Variants in MFSD11 observed in about 807,000 individuals in gnomAD.
MFSD11 encodes UNC93-like protein MFSD11.
MFSD11 carries 36 observed loss-of-function variants against 53.5 expected under a neutral mutation model. The observed-to-expected ratio is 0.67, with a 90% CI of 0.52 to 0.89. The LOEUF is 0.89. Among genes scored for constraint, MFSD11 ranks in the 40% least tolerant of loss-of-function variants. MFSD11 has a pLI of 0.00. For missense variants in MFSD11, 530 were observed against 543.9 expected, an observed-to-expected ratio of 0.97 and a Z score of 0.25; for synonymous variants, 186 against 184.9, an observed-to-expected ratio of 1.01 and a Z score of -0.05.
At chr17:76,783,975 A>G (rs932738166), downstream of MFSD11, among the ~76,000 whole-genome samples, 3 of 152,216 alleles carry the variant, frequency 2.0e-5, 1 homozygote, top group Admixed American at 2.0e-4. Flanking sequence ...AAAAAAAAGA[A>G]AAAAGGAAGG....
chr17:76,766,418 CAAAAAAA>C (rs1178883099), intron 8 of MFSD11, among the ~76,000 whole-genome samples: 2 of 58,488 alleles, frequency 3.4e-5, no homozygotes, highest in African/African-American at 6.0e-5. Context: ...GACTCTGTCT[CAAAAAAA>C]AAAAAAAAAA....
At chr17:76,787,411 A>G in the MFSD11 span, among the ~76,000 whole-genome samples, 4,738 of 150,240 alleles carry the variant, frequency 0.032, 349 homozygotes, top group East Asian at 0.09. Flanking sequence ...TGCTGGGATT[A>G]CAGGCATGAG....
chr17:76,795,447 C>G, the MFSD11 span, among the ~76,000 whole-genome samples: 1 of 151,810 alleles, frequency 6.6e-6, no homozygotes, highest in East Asian at 1.9e-4. Flanking sequence ...TGAGATTGCA[C>G]CACTGTACTC....
intron 10 of MFSD11, among the ~76,000 whole-genome samples, chr17:76,774,280 C>A (rs534623742): frequency 6.6e-6 from 1 of 151,996 alleles, no homozygotes; most frequent in South Asian, 2.1e-4. Context: ...AAAAAGACAG[C>A]GTCTTGCTAT....
rs2078151465 is a variant in MFSD11 at position 76,742,210 on chromosome 17, T to C, written c.374T>C (p.Ile125Thr). Reference sequence around the variant, plus strand: ...ACAGCACAAGGAAACTGCCTGACAATCAATTCGGATGAGCACAGCATTGGG... The same window carrying C: ...ACAGCACAAGGAAACTGCCTGACAACCAATTCGGATGAGCACAGCATTGGG... ...LWTAQGNCLT[I>T]NSDEHSIGRN... is the part of the protein sequence containing the mutation. The change falls in exon 5 of 13, where the codon ATC (isoleucine) becomes ACC (threonine). Residue 125 changes from isoleucine to threonine, a missense_variant. Ile to Thr is a moderately conservative substitution (Grantham distance 89). Transcript: ENST00000685175. 1 of 1,614,088 alleles carries C rather than the reference T, an allele frequency of 6.2e-7. No homozygotes were observed. Among genetic ancestry groups the C allele is most frequent in the Admixed American group, 1.7e-5 (1 of 60,004 alleles).
intron 6 of MFSD11, 32 bp downstream of exon 6, chr17:76,743,488 A>G: frequency 7.0e-7 from 1 of 1,428,884 alleles, no homozygotes; most frequent in Non-Finnish European, 9.6e-7. Flanking sequence ...TTATTCAGAT[A>G]TGTTCAAAGC....
At chr17:76,738,063 C>T (rs2143988313), upstream of MFSD11, 3 of 437,518 alleles carry the variant, frequency 6.9e-6, no homozygotes, top group Middle Eastern at 6.0e-4. Flanking sequence ...CCTTTAATCC[C>T]CTTCGTGGGC....
chr17:76,772,669 T>A (rs1258035523), intron 10 of MFSD11, among the ~76,000 whole-genome samples: 1 of 151,612 alleles, frequency 6.6e-6, no homozygotes, highest in African/African-American at 2.4e-5. Flanking sequence ...AGGCAACCGC[T>A]ACCACGCCTG....
At chr17:76,759,227 C>G (rs1185734510) in intron 8 of MFSD11, among the ~76,000 whole-genome samples, 2 of 152,116 alleles carry the variant, frequency 1.3e-5, no homozygotes, top group Admixed American at 1.3e-4. Flanking sequence ...GCATTCCAGC[C>G]TGGGTGACAG....
At chr17:76,764,727 A>G (rs1357803831) in intron 8 of MFSD11, among the ~76,000 whole-genome samples, 3 of 152,192 alleles carry the variant, frequency 2.0e-5, no homozygotes, top group Admixed American at 6.5e-5. Context: ...TAGTGCTGTA[A>G]TGAACATGGG....
At chr17:76,774,146 G>A (rs1352472512) in intron 10 of MFSD11, among the ~76,000 whole-genome samples, 6 of 151,974 alleles carry the variant, frequency 3.9e-5, no homozygotes, top group African/African-American at 1.5e-4. Context: ...GGCTGGTCTC[G>A]AACTCCTGAC....
chr17:76,800,102 C>T, the MFSD11 span, among the ~76,000 whole-genome samples: 1 of 150,590 alleles, frequency 6.6e-6, no homozygotes, highest in Non-Finnish European at 1.5e-5. Context: ...ATTACGGGCA[C>T]CCGCCACCAC....
At chr17:76,740,310 AACC>A (rs2077942923) in intron 2 of MFSD11, among the ~76,000 whole-genome samples, 1 of 152,226 alleles carries the variant, frequency 6.6e-6, no homozygotes, top group Admixed American at 6.5e-5. Flanking sequence ...AAATGGTTTT[AACC>A]ACACTTCGTA....
the MFSD11 span, among the ~76,000 whole-genome samples, chr17:76,796,614 A>T: frequency 6.6e-6 from 1 of 152,094 alleles, no homozygotes; most frequent in Non-Finnish European, 1.5e-5. Flanking sequence ...GTCCCACAAG[A>T]CTACCATTAC....
At chr17:76,774,953 T>C (rs1040965844) in intron 10 of MFSD11, 44 bp from the exon 11 acceptor site, 4 of 1,588,426 alleles carry the variant, frequency 2.5e-6, no homozygotes, top group Non-Finnish European at 3.4e-6. Context: ...GGGTATGTGA[T>C]GTTTCGGCAA....
At chr17:76,783,959 G>GAA (rs112147759), downstream of MFSD11, among the ~76,000 whole-genome samples, 18 of 131,288 alleles carry the variant, frequency 1.4e-4, no homozygotes, top group African/African-American at 4.3e-4. Context: ...CTGCTACCCA[G>GAA]AAAAAAAAAA....
chr17:76,741,524 C>T (rs1410279448), intron 3 of MFSD11, among the ~76,000 whole-genome samples: 1 of 152,140 alleles, frequency 6.6e-6, no homozygotes, highest in Non-Finnish European at 1.5e-5. Flanking sequence ...CTGTAAATCC[C>T]AACACTTTGG....
At chr17:76,737,881 G>A (rs745453489), upstream of MFSD11, 39 of 170,462 alleles carry the variant, frequency 2.3e-4, no homozygotes, top group Non-Finnish European at 3.9e-4. Flanking sequence ...CTGCGTCCTG[G>A]CGGTGGGGAC....
At chr17:76,737,412 G>T, upstream of MFSD11, 2 of 439,260 alleles carry the variant, frequency 4.6e-6, no homozygotes, top group Non-Finnish European at 8.1e-6. Context: ...GAAACCTTCT[G>T]ATTGGCCCAC....
Sources: gnomAD v4.1 joint callset for allele counts (sites outside exome capture counted in the v4.1 genomes callset) on GRCh38, gnomAD v4.1.1 for gene constraint, MANE v1.5 for transcripts, NCBI Gene and HGNC (gene_info 2026-07-23, HGNC 2026-07-21) for gene names.